The following RGL1 variants were observed in gnomAD, a reference collection of about 807,000 sequenced individuals.
RGL1 encodes ral guanine nucleotide dissociation stimulator like 1.
RGL1 carries 24 observed loss-of-function variants against 95.2 expected under a neutral mutation model. The observed-to-expected ratio is 0.25, with a 90% CI of 0.18 to 0.35. The LOEUF is 0.35. RGL1 is among the 10% of genes least tolerant of loss of function. The pLI is 1.00. For missense variants in RGL1, 715 were observed against 936.3 expected (o/e 0.76, Z 3.08); for synonymous variants, 329 against 344.9 (o/e 0.95, Z 0.51).
rs150361363 is a variant in RGL1, at chr1:183,879,837, T to C, written c.426-779T>C. Among the ~76,000 whole-genome samples the C allele has an allele frequency of 1.9e-3, 291 of 152,320 alleles. 7 individuals are homozygous for C. Among genetic ancestry groups the C allele is most frequent in the South Asian group, 4.1e-4 (2 of 4,826 alleles). ...TGGGTGCCCCAACCTAAAGACAACA[T>C]GCTGTGTTATTACTAACATACTGGA... is the stretch of plus-strand genomic sequence containing the variant. On this transcript the variant is annotated intron_variant, in intron 4 of 17. Coordinates refer to ENST00000360851, the MANE Select transcript of RGL1 (RefSeq NM_001297671.3).
chr1:183,863,121 C>T (rs1252929723), intron 3 of RGL1, among the ~76,000 whole-genome samples: 1 of 151,982 alleles, frequency 6.6e-6, no homozygotes, highest in Middle Eastern at 3.4e-3. Context: ...GGAGGATGCC[C>T]AGTGTGTGGG....
chr1:183,804,622 C>T (rs1661167266), upstream of RGL1, among the ~76,000 whole-genome samples: 1 of 152,132 alleles, frequency 6.6e-6, no homozygotes, highest in Non-Finnish European at 1.5e-5. Context: ...GTGAAAAGCC[C>T]AGCGCGATTT....
intron 1 of RGL1, among the ~76,000 whole-genome samples, chr1:183,741,755 T>C (rs926434628): frequency 6.6e-6 from 1 of 152,176 alleles, no homozygotes; most frequent in Non-Finnish European, 1.5e-5. Flanking sequence ...TTCTTCCACA[T>C]GGAGCACTTG....
chr1:183,886,199 G>A (rs573456939), intron 7 of RGL1, among the ~76,000 whole-genome samples: 2 of 152,182 alleles, frequency 1.3e-5, no homozygotes, highest in South Asian at 2.1e-4. Context: ...AATTTGCCTT[G>A]AGTCTTCAGG....
chr1:183,679,756 G>T (rs1429094433), intron 1 of RGL1, among the ~76,000 whole-genome samples: 2 of 152,132 alleles, frequency 1.3e-5, no homozygotes, highest in Admixed American at 1.3e-4. Flanking sequence ...GGGTCAAATG[G>T]TATTTCTGGT....
intron 13 of RGL1, among the ~76,000 whole-genome samples, chr1:183,905,258 G>A (rs765193549): frequency 5.3e-5 from 8 of 152,102 alleles, no homozygotes; most frequent in Admixed American, 1.3e-4. Context: ...TTTGTGAGGC[G>A]TAACTAAGAT....
Position 183,783,883 on chromosome 1 carries a change from G to T in RGL1, c.133-22492G>T, listed in dbSNP as rs556780328. Reference sequence around the variant, plus strand: ...TTAAATAGGAATGGAATGGGAAAAAGACTTTTCCAGGGTGTGGAGTTGTCA... The same window carrying T: ...TTAAATAGGAATGGAATGGGAAAAATACTTTTCCAGGGTGTGGAGTTGTCA... On this transcript the variant is annotated intron_variant, in intron 2 of 18. Coordinates refer to the RGL1 transcript ENST00000304685. 6.6e-5 allele frequency among the ~76,000 whole-genome samples: 10 copies of T among 152,238 alleles called. 1 individual carries two copies. In the South Asian group the frequency reaches 2.1e-3, roughly 32 times the overall value.
intron 2 of RGL1, among the ~76,000 whole-genome samples, chr1:183,776,750 C>T (rs538202331): frequency 1.3e-5 from 2 of 152,270 alleles, no homozygotes; most frequent in East Asian, 3.9e-4. Flanking sequence ...GGGGGACAGA[C>T]AAGGCTTGCG....
At chr1:183,834,517 A>G (rs1663497746) in intron 2 of RGL1, among the ~76,000 whole-genome samples, 1 of 152,126 alleles carries the variant, frequency 6.6e-6, no homozygotes, top group South Asian at 2.1e-4. Context: ...TCTATGGCAT[A>G]TGCACTAGTA....
At position 183,884,825 on chromosome 1, in the gene RGL1, A is replaced by T; in HGVS notation, c.838A>T (p.Ile280Phe). The T allele has an allele frequency of 1.2e-6, 2 of 1,614,170 alleles. No homozygotes were observed. Among genetic ancestry groups the T allele is most frequent in the Non-Finnish European group, 1.7e-6 (2 of 1,180,002 alleles). ...KHLAPTIRAT[I>F]SQFNTLTKCV... Reference sequence around the variant, plus strand: ...TTTGGCTCCTACGATCCGTGCCACCATCTCTCAGTTTAATACCCTCACCAA... The same window carrying T: ...TTTGGCTCCTACGATCCGTGCCACCTTCTCTCAGTTTAATACCCTCACCAA... Residue 280 changes from isoleucine (I) to phenylalanine (F), a missense_variant, in exon 7 of 18, where the codon ATC becomes TTC. Coordinates refer to ENST00000360851, the MANE Select transcript of RGL1 (RefSeq NM_001297671.3).
At chr1:183,712,883 C>A (rs992073515) in intron 1 of RGL1, among the ~76,000 whole-genome samples, 1 of 152,178 alleles carries the variant, frequency 6.6e-6, no homozygotes, top group African/African-American at 2.4e-5. Flanking sequence ...TTTGCCACTG[C>A]AGATTATTGA....
chr1:183,725,050 G>A (rs6660412), intron 1 of RGL1, among the ~76,000 whole-genome samples: 70,959 of 151,726 alleles, frequency 0.47, 17,461 homozygotes, highest in East Asian at 0.8. Context: ...AGTAAGGGAA[G>A]AGAATAAGAG....
chr1:183,908,829 G>A (rs922974462), intron 14 of RGL1, among the ~76,000 whole-genome samples: 5 of 152,150 alleles, frequency 3.3e-5, no homozygotes, highest in African/African-American at 9.7e-5. Flanking sequence ...CTAATCCTGC[G>A]TCCTGCTACC....
chr1:183,670,996 G>A (rs1433331662), intron 1 of RGL1, among the ~76,000 whole-genome samples: 1 of 152,204 alleles, frequency 6.6e-6, no homozygotes, highest in Non-Finnish European at 1.5e-5. Context: ...CATGGCTGGG[G>A]AGACTTCAGG....
At chr1:183,678,539 C>T (rs563045483) in intron 1 of RGL1, among the ~76,000 whole-genome samples, 4 of 152,046 alleles carry the variant, frequency 2.6e-5, no homozygotes, top group Admixed American at 2.0e-4. Context: ...AAGAATGTTT[C>T]TCTCTCACTT....
At chr1:183,734,118 C>G (rs1033750199) in intron 1 of RGL1, among the ~76,000 whole-genome samples, 2 of 152,214 alleles carry the variant, frequency 1.3e-5, no homozygotes, top group African/African-American at 4.8e-5. Flanking sequence ...GATTCGGAAG[C>G]TAGTTAAAAT....
At chr1:183,670,568 T>A (rs1385303385) in intron 1 of RGL1, among the ~76,000 whole-genome samples, 1 of 152,236 alleles carries the variant, frequency 6.6e-6, no homozygotes, top group Non-Finnish European at 1.5e-5. Flanking sequence ...CAGGTTTTCC[T>A]ATCCTAGCAC....
At chr1:183,680,502 T>C (rs1469031775) in intron 1 of RGL1, among the ~76,000 whole-genome samples, 1 of 150,922 alleles carries the variant, frequency 6.6e-6, no homozygotes, top group Non-Finnish European at 1.5e-5. Flanking sequence ...TGTGGCGTTA[T>C]TTCTGAGGCC....
intron 2 of RGL1, among the ~76,000 whole-genome samples, chr1:183,829,649 A>G (rs138470078): frequency 3.3e-4 from 51 of 152,286 alleles, no homozygotes; most frequent in African/African-American, 8.4e-4. Context: ...TAAAAGCTTC[A>G]CATTGATACT....
Sources: gnomAD v4.1 joint callset for allele counts (sites outside exome capture counted in the v4.1 genomes callset) on GRCh38, gnomAD v4.1.1 for gene constraint, MANE v1.5 for transcripts, NCBI Gene and HGNC (gene_info 2026-07-23, HGNC 2026-07-21) for gene names.